Variants in DOK6 observed in about 807,000 individuals in gnomAD.
The protein encoded by DOK6 is docking protein 6.
In DOK6, 22 loss-of-function variants were observed where a neutral mutation model predicts 44.0. That is an observed-to-expected ratio of 0.50 (90% CI 0.36 to 0.71). The LOEUF is 0.71. Ranked by LOEUF, DOK6 falls within the 30% of genes least tolerant of loss-of-function variation. DOK6 has a pLI of 0.00. For synonymous variants in DOK6, 166 were observed against 145.5 expected (o/e 1.14, Z -1.01); for missense variants, 340 against 416.4 (o/e 0.82, Z 1.60).
At chr18:69,805,071 A>G (rs1362969287) in intron 7 of DOK6, among the ~76,000 whole-genome samples, 2 of 152,208 alleles carry the variant, frequency 1.3e-5, no homozygotes, top group African/African-American at 2.4e-5. Flanking sequence ...TTTCATGGCT[A>G]AAACGGAGGC....
At chr18:69,723,520 T>C (rs1599286995) in intron 5 of DOK6, among the ~76,000 whole-genome samples, 1 of 152,166 alleles carries the variant, frequency 6.6e-6, no homozygotes, top group Middle Eastern at 3.4e-3. Context: ...GTATTGTGGG[T>C]CACAGTCTAA....
rs1984634224 is a variant in DOK6 at position 69,629,346 on chromosome 18, T to C, written c.289+29848T>C. 2.0e-5 allele frequency among the ~76,000 whole-genome samples: 3 copies of C among 152,320 alleles called. No homozygotes were observed. The South Asian group carries it at 6.2e-4, about 32-fold the overall frequency. On this transcript the variant is annotated intron_variant, in intron 3 of 7. Transcript: ENST00000382713. ...GTTTTGAATAAGATATCAAATATTA[T>C]AGCTGCTTATTTTTTTTCAATCATA...
intron 3 of DOK6, among the ~76,000 whole-genome samples, chr18:69,629,965 C>A (rs373630528): frequency 6.6e-6 from 1 of 151,858 alleles, no homozygotes; most frequent in Non-Finnish European, 1.5e-5. Flanking sequence ...GGGGTTTCAC[C>A]GCGTTGGCCA....
chr18:69,442,908 C>T lies in DOK6; in HGVS notation c.66+41598C>T, dbSNP rs77775534. Among the ~76,000 whole-genome samples, 4 of 152,336 alleles carry T rather than the reference C, an allele frequency of 2.6e-5. No individual in the cohort carries two copies. The South Asian group carries it at 8.3e-4, about 32-fold the overall frequency. The stretch of plus-strand genomic sequence containing the variant: ...AAGATTAGGGATCATTTATTTCTCA[C>T]TGCATACTAATAGCACAAAGCAGAC... On this transcript the variant is annotated intron_variant, in intron 1 of 7. Coordinates refer to ENST00000382713, the MANE Select transcript of DOK6 (RefSeq NM_152721.6).
rs898899278 is a variant in DOK6 at position 69,553,327 on chromosome 18, A to G, written c.67-11160A>G. ...ATTGAAAATAAGTTCATTATTTCACACAAGAATAAAGAGACATAAATCATG... is the reference window on the plus strand; with the variant it reads ...ATTGAAAATAAGTTCATTATTTCACGCAAGAATAAAGAGACATAAATCATG... On this transcript the variant is annotated intron_variant, in intron 1 of 7. Transcript: ENST00000382713. 2.0e-5 allele frequency among the ~76,000 whole-genome samples: 3 copies of G among 152,246 alleles called. No homozygotes were observed. The East Asian group carries it at 5.8e-4, about 29-fold the overall frequency.
At chr18:69,596,769 A>G (rs1983752020) in intron 2 of DOK6, among the ~76,000 whole-genome samples, 1 of 152,198 alleles carries the variant, frequency 6.6e-6, no homozygotes, top group South Asian at 2.1e-4. Context: ...AAAAGACAGT[A>G]TAAATGCATA....
chr18:69,624,858 C>A (rs1251926061), intron 3 of DOK6, among the ~76,000 whole-genome samples: 1 of 152,030 alleles, frequency 6.6e-6, no homozygotes, highest in African/African-American at 2.4e-5. Flanking sequence ...AGGAGTTACA[C>A]CTAAACCTAT....
intron 2 of DOK6, among the ~76,000 whole-genome samples, chr18:69,593,713 T>C (rs1983674129): frequency 6.6e-6 from 1 of 152,198 alleles, no homozygotes. Flanking sequence ...ATTTTTATTA[T>C]AAGAGGACAA....
At chr18:69,513,341 C>G (rs1981425812) in intron 1 of DOK6, among the ~76,000 whole-genome samples, 1 of 152,186 alleles carries the variant, frequency 6.6e-6, no homozygotes, top group South Asian at 2.1e-4. Flanking sequence ...CAGACACACG[C>G]CTTTGAGCAC....
At chr18:69,701,605 C>G (rs1986522615) in intron 5 of DOK6, among the ~76,000 whole-genome samples, 1 of 152,120 alleles carries the variant, frequency 6.6e-6, no homozygotes. Context: ...AACCCCTGAT[C>G]TTTTGTATGA....
intron 1 of DOK6, among the ~76,000 whole-genome samples, chr18:69,422,083 C>T (rs1404095316): frequency 6.6e-6 from 1 of 152,174 alleles, no homozygotes; most frequent in Non-Finnish European, 1.5e-5. Flanking sequence ...CCAGCCCTTC[C>T]TCTGCTTCTA....
chr18:69,421,954 A>G (rs1978505720), intron 1 of DOK6, among the ~76,000 whole-genome samples: 1 of 152,156 alleles, frequency 6.6e-6, no homozygotes. Flanking sequence ...GCAAAGCAAA[A>G]CAAAACAAAA....
chr18:69,481,884 G>A (rs1164518737), intron 1 of DOK6, among the ~76,000 whole-genome samples: 2 of 152,122 alleles, frequency 1.3e-5, no homozygotes, highest in Non-Finnish European at 2.9e-5. Context: ...TCCAGCACCT[G>A]TTGTTTCCTG....
At chr18:69,800,048 T>C (rs891263847) in intron 7 of DOK6, among the ~76,000 whole-genome samples, 2 of 151,518 alleles carry the variant, frequency 1.3e-5, no homozygotes, top group Non-Finnish European at 2.9e-5. Flanking sequence ...TTTATGGAGT[T>C]ATTTTTACTA....
In DOK6 at chr18:69,435,020, AGG is replaced by A. The variant is rs200293071; in HGVS notation, c.66+33712_66+33713del. On this transcript the variant is annotated intron_variant, in intron 1 of 7. Transcript: ENST00000382713. The stretch of plus-strand genomic sequence containing the variant: ...GGAAGGAAGAAAGATTAGTGTAGGG[AGG>A]GAGGGAAGGAAGGAAGGAAGGAAGG... 8.2e-4 allele frequency among the ~76,000 whole-genome samples: 105 copies of A among 128,632 alleles called. 4 individuals are homozygous for A. The highest frequency in any genetic ancestry group is 1.2e-3 in the East Asian group (5 of 4,206). 84.4% of individuals were successfully genotyped at this position (128,632 alleles called of 152,430 possible). A position where few individuals can be genotyped will look rare whatever the true frequency, so the allele number is the denominator to read the frequency against.
At chr18:69,464,420 T>C (rs1343381843) in intron 1 of DOK6, among the ~76,000 whole-genome samples, 1 of 152,238 alleles carries the variant, frequency 6.6e-6, no homozygotes, top group African/African-American at 2.4e-5. Flanking sequence ...GAATGTTCTT[T>C]GTATCTTCAG....
chr18:69,560,651 T>G (rs1051179065), intron 1 of DOK6, among the ~76,000 whole-genome samples: 2 of 152,188 alleles, frequency 1.3e-5, no homozygotes, highest in Non-Finnish European at 2.9e-5. Context: ...TGGTTATAGA[T>G]GCACTGAACA....
intron 4 of DOK6, among the ~76,000 whole-genome samples, chr18:69,685,961 A>T (rs1004898798): frequency 6.6e-6 from 1 of 152,126 alleles, no homozygotes; most frequent in Non-Finnish European, 1.5e-5. Context: ...CGCAAAATGT[A>T]TATGTTGAAG....
intron 2 of DOK6, among the ~76,000 whole-genome samples, chr18:69,598,298 T>C (rs1446353332): frequency 1.3e-5 from 2 of 151,674 alleles, no homozygotes; most frequent in Non-Finnish European, 2.9e-5. Flanking sequence ...ATGCATGTGG[T>C]TAATTATTGT....
Sources: gnomAD v4.1 joint callset for allele counts (sites outside exome capture counted in the v4.1 genomes callset) on GRCh38, gnomAD v4.1.1 for gene constraint, MANE v1.5 for transcripts, NCBI Gene and HGNC (gene_info 2026-07-23, HGNC 2026-07-21) for gene names.